EPCIP: variants seen among roughly 807,000 people sequenced by gnomAD.
EPCIP encodes exosomal polycystin 1 interacting protein.
At chr21:32,802,107 A>T in the EPCIP span, among the ~76,000 whole-genome samples, 2 of 152,282 alleles carry the variant, frequency 1.3e-5, no homozygotes, top group Admixed American at 1.3e-4. Flanking sequence ...GGTCAAGCTA[A>T]GGGGTTTGGA....
At chr21:32,796,952 T>C in the EPCIP span, 4 of 470,964 alleles carry the variant, frequency 8.5e-6, no homozygotes, top group South Asian at 4.6e-5. Flanking sequence ...CTGATCCTTT[T>C]AGAGGCAGCC....
chr21:32,794,285 G>A, the EPCIP span: 1 of 1,614,276 alleles, frequency 6.2e-7, no homozygotes, highest in Non-Finnish European at 8.5e-7. Context: ...GATGTCCGCA[G>A]AACAGCTGCA....
the EPCIP span, chr21:32,794,456 C>T: frequency 2.1e-5 from 33 of 1,584,684 alleles, no homozygotes; most frequent in Non-Finnish European, 2.6e-5. Context: ...TTTATCCCCC[C>T]TCTTTTTGAA....
the EPCIP span, among the ~76,000 whole-genome samples, chr21:32,802,662 C>A: frequency 6.6e-6 from 1 of 152,126 alleles, no homozygotes; most frequent in South Asian, 2.1e-4. Context: ...TGGAGAGAAC[C>A]AAGAATGTAG....
At chr21:32,809,316 C>CTT in the EPCIP span, among the ~76,000 whole-genome samples, 2 of 134,060 alleles carry the variant, frequency 1.5e-5, no homozygotes, top group African/African-American at 5.6e-5. Context: ...TTCTTTCTTT[C>CTT]TTTCTTTCTT....
At chr21:32,800,963 C>T in the EPCIP span, among the ~76,000 whole-genome samples, 1 of 152,056 alleles carries the variant, frequency 6.6e-6, no homozygotes, top group Non-Finnish European at 1.5e-5. Flanking sequence ...ACTTCTAGTC[C>T]CTGTGAATGC....
chr21:32,795,759 A>G, the EPCIP span, among the ~76,000 whole-genome samples: 1 of 152,226 alleles, frequency 6.6e-6, no homozygotes, highest in African/African-American at 2.4e-5. Context: ...TTAGAAATCC[A>G]AAGGAATCAA....
the EPCIP span, chr21:32,794,449 A>T: frequency 1.3e-6 from 2 of 1,591,902 alleles, no homozygotes; most frequent in Non-Finnish European, 1.7e-6. Context: ...CAGCGTGTTT[A>T]TCCCCCCTCT....
At chr21:32,804,636 T>C in the EPCIP span, among the ~76,000 whole-genome samples, 1 of 152,118 alleles carries the variant, frequency 6.6e-6, no homozygotes, top group South Asian at 2.1e-4. Flanking sequence ...ACTGGTTCAT[T>C]TAATGCATTA....
the EPCIP span, among the ~76,000 whole-genome samples, chr21:32,805,088 G>A: frequency 6.6e-6 from 1 of 152,306 alleles, no homozygotes; most frequent in Middle Eastern, 3.4e-3. Context: ...TTATCTGGGT[G>A]GGCCCAATGT....
the EPCIP span, among the ~76,000 whole-genome samples, chr21:32,809,178 G>GGTGTGTGTGT: frequency 1.4e-5 from 1 of 69,808 alleles, no homozygotes; most frequent in South Asian, 5.7e-4. Context: ...AGCCTCGAGG[G>GGTGTGTGTGT]GTGCGTGTGT....
the EPCIP span, chr21:32,794,512 C>T: frequency 8.2e-7 from 1 of 1,218,314 alleles, no homozygotes; most frequent in East Asian, 2.5e-5. Context: ...AGCTTTATCA[C>T]AACCTTTCAT....
At chr21:32,799,273 C>T in the EPCIP span, among the ~76,000 whole-genome samples, 4 of 152,224 alleles carry the variant, frequency 2.6e-5, no homozygotes, top group Admixed American at 6.5e-5. Context: ...TAAAGCACCA[C>T]TTTGATAAAA....
At chr21:32,791,947 C>T in the EPCIP span, among the ~76,000 whole-genome samples, 2 of 151,468 alleles carry the variant, frequency 1.3e-5, no homozygotes, top group Non-Finnish European at 2.9e-5. Flanking sequence ...TCTTGTTGCC[C>T]AGGCTGGAGT....
the EPCIP span, among the ~76,000 whole-genome samples, chr21:32,796,506 G>A: frequency 2.0e-5 from 3 of 152,328 alleles, no homozygotes; most frequent in East Asian, 5.8e-4. Context: ...CGGGGGACTG[G>A]ATAAGGCGGT....
the EPCIP span, among the ~76,000 whole-genome samples, chr21:32,792,464 C>A: frequency 6.6e-6 from 1 of 151,996 alleles, no homozygotes. Context: ...CCCAGGCTAG[C>A]CCCTAATGTA....
At chr21:32,794,155 C>T in the EPCIP span, 19 of 1,614,210 alleles carry the variant, frequency 1.2e-5, no homozygotes, top group Admixed American at 8.3e-5. Flanking sequence ...GGTGGCCCAG[C>T]GCAGATGTGT....
chr21:32,807,104 A>G, the EPCIP span, among the ~76,000 whole-genome samples: 1 of 152,186 alleles, frequency 6.6e-6, no homozygotes, highest in South Asian at 2.1e-4. Context: ...CTCCCACAAC[A>G]TGAGGGAATG....
chr21:32,792,712 G>T, the EPCIP span, among the ~76,000 whole-genome samples: 2 of 152,120 alleles, frequency 1.3e-5, no homozygotes, highest in African/African-American at 4.8e-5. Context: ...AATGTGTTTT[G>T]TGTCCTCCAA....
Sources: allele counts gnomAD v4.1 joint callset (sites outside exome capture counted in the v4.1 genomes callset), GRCh38; gene constraint gnomAD v4.1.1; transcripts MANE v1.5; gene names NCBI Gene and HGNC (gene_info 2026-07-23, HGNC 2026-07-21).